PIK3C2G: variants seen among roughly 807,000 people sequenced by gnomAD.
PIK3C2G encodes phosphatidylinositol 3-kinase C2 domain-containing subunit gamma.
In PIK3C2G, 168 loss-of-function variants were observed where a neutral mutation model predicts 181.1. That is an observed-to-expected ratio of 0.93 (90% CI 0.82 to 1.05). The LOEUF (loss-of-function observed/expected upper bound fraction) is 1.05. PIK3C2G is among the 50% of genes least tolerant of loss of function. PIK3C2G has a pLI of 0.00. For synonymous variants in PIK3C2G, 573 were observed against 592.2 expected (o/e 0.97, Z 0.47); for missense variants, 1,869 against 1,732.8 (o/e 1.08, Z -1.40).
At chr12:18,720,488 G>T in the PIK3C2G span, among the ~76,000 whole-genome samples, 1 of 151,008 alleles carries the variant, frequency 6.6e-6, no homozygotes, top group Non-Finnish European at 1.5e-5. Context: ...CAGAAGACTG[G>T]CTCTGGAAAC....
chr12:18,534,876 CT>C (rs1358686983), intron 24 of PIK3C2G, among the ~76,000 whole-genome samples: 1 of 150,248 alleles, frequency 6.7e-6, no homozygotes, highest in Non-Finnish European at 1.5e-5. Flanking sequence ...ACAGGTGGGA[CT>C]TTGGTAAGCA....
upstream of PIK3C2G, among the ~76,000 whole-genome samples, chr12:18,257,670 AAGAG>A (rs1398979997): frequency 2.0e-5 from 3 of 151,640 alleles, no homozygotes; most frequent in Admixed American, 6.6e-5. Flanking sequence ...GAAAGAAAGA[AAGAG>A]AGAAAGAAAG....
chr12:18,696,984 C>G, the PIK3C2G span, among the ~76,000 whole-genome samples: 1 of 152,120 alleles, frequency 6.6e-6, no homozygotes, highest in African/African-American at 2.4e-5. Flanking sequence ...TGTACATATT[C>G]TTTGTGTTTC....
At chr12:18,518,986 A>G (rs1054160115) in intron 24 of PIK3C2G, among the ~76,000 whole-genome samples, 14 of 152,158 alleles carry the variant, frequency 9.2e-5, no homozygotes, top group African/African-American at 2.9e-4. Flanking sequence ...TAATTTCACT[A>G]TTTACCCAGG....
chr12:18,396,974 T>C (rs1943931483), intron 15 of PIK3C2G, among the ~76,000 whole-genome samples: 1 of 151,760 alleles, frequency 6.6e-6, no homozygotes, highest in Non-Finnish European at 1.5e-5. Context: ...AAAGCAATCA[T>C]GAAAAAAGAA....
intron 14 of PIK3C2G, among the ~76,000 whole-genome samples, chr12:18,382,865 A>G (rs1169087699): frequency 6.6e-6 from 1 of 152,188 alleles, no homozygotes; most frequent in Non-Finnish European, 1.5e-5. Context: ...CATAGAGTTG[A>G]GAAAGATGCG....
intron 1 of PIK3C2G, among the ~76,000 whole-genome samples, chr12:18,249,713 C>T (rs950270908): frequency 2.0e-5 from 3 of 152,020 alleles, no homozygotes; most frequent in Admixed American, 6.6e-5. Context: ...TATATATCTA[C>T]ATAGTCATTT....
chr12:18,538,076 A>G, intron 24 of PIK3C2G, 80 bp from the exon 25 acceptor site: 1 of 1,330,104 alleles, frequency 7.5e-7, no homozygotes, highest in Non-Finnish European at 1.0e-6. Context: ...TCAAATGAAA[A>G]TAAGTCGTTA....
intron 30 of PIK3C2G, among the ~76,000 whole-genome samples, chr12:18,598,165 A>G (rs1947482477): frequency 6.6e-6 from 1 of 152,054 alleles, no homozygotes; most frequent in South Asian, 2.1e-4. Flanking sequence ...GTTCATATGG[A>G]ACCAAAAAAG....
At chr12:18,596,750 G>A (rs375771606) in intron 30 of PIK3C2G, among the ~76,000 whole-genome samples, 16 of 152,000 alleles carry the variant, frequency 1.1e-4, no homozygotes, top group Non-Finnish European at 2.4e-4. Flanking sequence ...AGAACTTGAG[G>A]CCATGCCATC....
chr12:18,488,905 C>G (rs73068594), intron 19 of PIK3C2G, among the ~76,000 whole-genome samples: 3,543 of 151,974 alleles, frequency 0.023, 54 homozygotes, highest in Middle Eastern at 0.058. Context: ...ACTAAACAAG[C>G]CTGATAAACT....
chr12:18,406,317 T>C (rs144770893), intron 16 of PIK3C2G, among the ~76,000 whole-genome samples: 1 of 152,182 alleles, frequency 6.6e-6, no homozygotes, highest in South Asian at 2.1e-4. Context: ...TCTTGGCTAT[T>C]GTAAATAATG....
At chr12:18,373,895 C>G (rs1324984782) in intron 13 of PIK3C2G, among the ~76,000 whole-genome samples, 1 of 151,910 alleles carries the variant, frequency 6.6e-6, no homozygotes, top group East Asian at 1.9e-4. Flanking sequence ...ATTTGGCCCA[C>G]AGAAGTTTTA....
intron 22 of PIK3C2G, among the ~76,000 whole-genome samples, chr12:18,500,076 C>A (rs1045785333): frequency 2.6e-5 from 4 of 152,222 alleles, no homozygotes; most frequent in African/African-American, 7.2e-5. Flanking sequence ...CCGGCCGCTG[C>A]TGTGTGGGAG....
At chr12:18,323,943 G>A (rs976687501) in intron 7 of PIK3C2G, among the ~76,000 whole-genome samples, 4 of 151,956 alleles carry the variant, frequency 2.6e-5, no homozygotes, top group Non-Finnish European at 4.4e-5. Flanking sequence ...GCCATTGGCC[G>A]GGCGCGGTGG....
chr12:18,712,564 T>C, the PIK3C2G span, among the ~76,000 whole-genome samples: 1 of 152,088 alleles, frequency 6.6e-6, no homozygotes, highest in African/African-American at 2.4e-5. Context: ...CTGGCCATCA[T>C]CCACAATAAT....
chr12:18,649,817 C>T (rs1950339056), downstream of PIK3C2G, among the ~76,000 whole-genome samples: 1 of 152,074 alleles, frequency 6.6e-6, no homozygotes. Flanking sequence ...ATTTGGCTTC[C>T]AATACCCTAC....
intron 13 of PIK3C2G, among the ~76,000 whole-genome samples, chr12:18,371,821 G>A (rs1942085020): frequency 6.6e-6 from 1 of 152,072 alleles, no homozygotes. Context: ...AAAATGAAGT[G>A]TTGATTCAAC....
At chr12:18,242,965 A>G (rs1405815642), upstream of PIK3C2G, among the ~76,000 whole-genome samples, 2 of 152,176 alleles carry the variant, frequency 1.3e-5, no homozygotes, top group Non-Finnish European at 2.9e-5. Context: ...ATAGTGAATC[A>G]TTAAACACGA....
Sources: allele counts gnomAD v4.1 joint callset (sites outside exome capture counted in the v4.1 genomes callset), GRCh38; gene constraint gnomAD v4.1.1; transcripts MANE v1.5; gene names NCBI Gene and HGNC (gene_info 2026-07-23, HGNC 2026-07-21).